The following FGF13 variants were observed in gnomAD, a reference collection of about 807,000 sequenced individuals.
FGF13 encodes the protein fibroblast growth factor homologous factor 2.
In FGF13, 2 loss-of-function variants were observed where a neutral mutation model predicts 19.5. The observed-to-expected ratio is 0.10, with a 90% confidence interval of 0.04 to 0.32. The LOEUF (loss-of-function observed/expected upper bound fraction) is 0.32, where lower values mean the gene tolerates loss of function less well. Ranked by LOEUF, FGF13 falls within the 10% of genes least tolerant of loss-of-function variation. The pLI is 1.00. For missense variants in FGF13, 113 were observed against 192.7 expected, an observed-to-expected ratio of 0.59 and a Z score of 2.45; for synonymous variants, 72 against 76.9, an observed-to-expected ratio of 0.94 and a Z score of 0.33.
chrX:138,953,642 T>C (rs2091826035), intron 1 of FGF13, among the ~76,000 whole-genome samples: 1 of 111,554 alleles, frequency 9.0e-6, no homozygotes, highest in Non-Finnish European at 1.9e-5. Context: ...GGCAACTTTA[T>C]ATATAATAGC....
At chrX:138,797,823 A>G (rs138157198) in intron 3 of FGF13, among the ~76,000 whole-genome samples, 64 of 111,594 alleles carry the variant, frequency 5.7e-4, no homozygotes, top group Non-Finnish European at 1.1e-3. Context: ...TCTTTGTAAC[A>G]ATTGTGAATG....
intron 3 of FGF13, among the ~76,000 whole-genome samples, chrX:138,697,822 T>A (rs1181131194): frequency 1.8e-5 from 2 of 111,483 alleles, no homozygotes; most frequent in East Asian, 5.6e-4. Context: ...TTTTTTTATA[T>A]TTAAGACACT....
intron 1 of FGF13, among the ~76,000 whole-genome samples, chrX:139,079,108 G>A (rs771616522): frequency 9.8e-5 from 11 of 112,129 alleles, no homozygotes; most frequent in Non-Finnish European, 1.5e-4. Flanking sequence ...ATGGAGCACC[G>A]ATTCGCAGCG....
In FGF13 at chrX:138,831,708, C is replaced by T. The variant is rs189268245; in HGVS notation, c.217+25804G>A. ...AACTTTTATTTTAAGTTCAAGGGAA[C>T]AATTGTAGGTTTTTTACGTAGGTAA... is the stretch of plus-strand genomic sequence containing the variant. On this transcript the variant is annotated intron_variant, in intron 3 of 6. Coordinates refer to the FGF13 transcript ENST00000436198. Among the ~76,000 whole-genome samples the T allele has an allele frequency of 5.8e-4, 63 of 108,802 alleles. 1 individual carries two copies. Among genetic ancestry groups the T allele is most frequent in the African/African-American group, 2.0e-3 (60 of 29,816 alleles). 94.5% of individuals were successfully genotyped at this position (108,802 alleles called of 115,157 possible).
At chrX:139,140,915 T>G (rs1246938247) in intron 1 of FGF13, among the ~76,000 whole-genome samples, 3 of 110,471 alleles carry the variant, frequency 2.7e-5, no homozygotes, top group Non-Finnish European at 5.7e-5. Context: ...TTCTCCTTTC[T>G]CCTAAGGGCC....
At chrX:139,135,380 G>A (rs1374900198) in intron 1 of FGF13, among the ~76,000 whole-genome samples, 3 of 112,250 alleles carry the variant, frequency 2.7e-5, no homozygotes, top group Non-Finnish European at 3.8e-5. Context: ...GGCAGGGTGT[G>A]GTCCACAGAA....
At chrX:138,766,752 A>T (rs2090505310) in intron 3 of FGF13, among the ~76,000 whole-genome samples, 1 of 111,716 alleles carries the variant, frequency 9.0e-6, no homozygotes, top group Non-Finnish European at 1.9e-5. Flanking sequence ...AAGGAGAGAG[A>T]TCCTTCCTGT....
At chrX:138,722,521 G>A (rs1296330384) in intron 1 of FGF13, among the ~76,000 whole-genome samples, 2 of 110,818 alleles carry the variant, frequency 1.8e-5, no homozygotes, top group Non-Finnish European at 3.8e-5. Context: ...GTTTAAAAAG[G>A]TAGCTCTATT....
rs781435496 is a variant in FGF13 at position 139,070,985 on chromosome X, TG to T, written c.-113+132430del. Among the ~76,000 whole-genome samples, 4 of 108,928 alleles carry T rather than the reference TG, an allele frequency of 3.7e-5. No individual in the cohort carries two copies. In the East Asian group the frequency reaches 1.1e-3, roughly 31 times the overall value. The allele number at this position is 108,928 out of a possible 115,157, so 94.6% of individuals were successfully genotyped here. A position where few individuals can be genotyped will look rare whatever the true frequency, so the allele number is the denominator to read the frequency against. On this transcript the variant is annotated intron_variant, in intron 1 of 2. Transcript: ENST00000421460. ...GGGAACATCACACACTGAGGCCTAC[TG>T]GGGGGTGGAGGAGGGATAGCATTAG...
intron 1 of FGF13, among the ~76,000 whole-genome samples, chrX:139,167,947 A>C (rs1309657190): frequency 8.9e-6 from 1 of 112,430 alleles, no homozygotes; most frequent in Non-Finnish European, 1.9e-5. Flanking sequence ...TCTTTCAAAA[A>C]TCATACAATT....
In FGF13 at chrX:138,927,462, T is replaced by G. The variant is rs746437027; in HGVS notation, c.-112-62812A>C. On this transcript the variant is annotated intron_variant, in intron 1 of 2. Transcript: ENST00000421460. ...AACAAGTTTCTCTCCTTGGCCCCAT[T>G]TGCTTATTTGAAGTTTCAATGCATT... is the stretch of plus-strand genomic sequence containing the variant. Among the ~76,000 whole-genome samples the G allele has an allele frequency of 6.2e-5, 7 of 112,002 alleles. No homozygotes were observed. In the East Asian group the frequency reaches 1.1e-3, roughly 18 times the overall value.
intron 1 of FGF13, among the ~76,000 whole-genome samples, chrX:138,906,680 CTGAGGTT>C (rs1388132495): frequency 8.9e-6 from 1 of 111,905 alleles, no homozygotes; most frequent in Non-Finnish European, 1.9e-5. Context: ...GAGCAGAGAT[CTGAGGTT>C]TCAATACTCC....
Position 139,189,681 on chromosome X carries a change from G to A in FGF13, c.-113+13735C>T, listed in dbSNP as rs188378330. Among the ~76,000 whole-genome samples the A allele has an allele frequency of 4.9e-3, 548 of 111,687 alleles. 7 individuals carry two copies. The highest frequency in any genetic ancestry group is 0.017 in the African/African-American group (508 of 30,752). On this transcript the variant is annotated intron_variant, in intron 1 of 2. Transcript: ENST00000421460. ...GGAGGTTGCAAGGGACTGGGGTAAT[G>A]GGGAAATGGGGAATTGTTTAATGTG...
intron 1 of FGF13, among the ~76,000 whole-genome samples, chrX:138,908,195 C>T (rs1279395138): frequency 2.3e-4 from 24 of 105,940 alleles, no homozygotes; most frequent in African/African-American, 7.6e-4. Flanking sequence ...CTCAGCCTCC[C>T]GAGTAACTGG....
chrX:139,191,257 T>A (rs2084327077), intron 1 of FGF13, among the ~76,000 whole-genome samples: 1 of 112,221 alleles, frequency 8.9e-6, no homozygotes, highest in Admixed American at 9.4e-5. Flanking sequence ...GCACTAAAAA[T>A]CAATACAAGA....
At chrX:138,654,713 C>T (rs923192582) in intron 3 of FGF13, among the ~76,000 whole-genome samples, 1 of 110,175 alleles carries the variant, frequency 9.1e-6, no homozygotes, top group Non-Finnish European at 1.9e-5. Context: ...TGCACTCCAG[C>T]CTGGGTGACA....
intron 3 of FGF13, among the ~76,000 whole-genome samples, chrX:138,687,318 A>C (rs1414682412): frequency 9.0e-6 from 1 of 111,555 alleles, no homozygotes; most frequent in Non-Finnish European, 1.9e-5. Flanking sequence ...ATAAATAAAT[A>C]AATCCAATTA....
At position 138,632,835 on chromosome X, in the gene FGF13, T is replaced by C. The variant is rs1163287119; in HGVS notation, c.*15A>G. 8.3e-7 allele frequency: 1 copy of C among 1,205,388 alleles called. No individual in the cohort carries two copies. Among genetic ancestry groups the C allele is most frequent in the Admixed American group, 2.2e-5 (1 of 45,825 alleles). ...GTAAGGTTCTGTTACAGAGCCCTTC[T>C]TTTGCCCTCACTGGCTACGTTGATT... is the stretch of plus-strand genomic sequence containing the variant. On this transcript the variant is annotated 3_prime_UTR_variant, in exon 5 of 5. Coordinates refer to ENST00000315930, the MANE Select transcript of FGF13 (RefSeq NM_004114.5).
Position 138,629,285 on chromosome X carries a change from ATTTC to A in FGF13, c.*3561_*3564del, listed in dbSNP as rs894878726. On this transcript the variant is annotated 3_prime_UTR_variant, in exon 5 of 5. Transcript: ENST00000315930. ...CTCAGCATTTGTAAAAGTTAAACAGATTTCTTTAACACAAGACTTTTCAGAAATT... is the reference window on the plus strand; with the variant it reads ...CTCAGCATTTGTAAAAGTTAAACAGATTTAACACAAGACTTTTCAGAAATT... 4.5e-5 allele frequency: 5 copies of A among 112,359 alleles called. No individual in the cohort carries two copies. The highest frequency in any genetic ancestry group is 9.7e-5 in the African/African-American group (3 of 30,926). The allele number at this position is 112,359 out of a possible 1,213,427, so 9.3% of individuals were successfully genotyped here.
Sources: gnomAD v4.1 joint callset for allele counts (sites outside exome capture counted in the v4.1 genomes callset) on GRCh38, gnomAD v4.1.1 for gene constraint, MANE v1.5 for transcripts, NCBI Gene and HGNC (gene_info 2026-07-23, HGNC 2026-07-21) for gene names.